UNC13B: variants seen among roughly 807,000 people sequenced by gnomAD.
The protein encoded by UNC13B is protein unc-13 homolog B.
In UNC13B, 144 loss-of-function variants were observed where a neutral mutation model predicts 211.0. That is an observed-to-expected ratio of 0.68 (90% confidence interval 0.60 to 0.78). UNC13B has a LOEUF of 0.78. Ranked by LOEUF, UNC13B falls within the 30% of genes least tolerant of loss-of-function variation. UNC13B has a pLI of 0.00. For missense variants in UNC13B, 1,777 were observed against 2,002.0 expected (o/e 0.89, Z 2.14); for synonymous variants, 709 against 725.8 (o/e 0.98, Z 0.37).
intron 24 of UNC13B, 116 bp downstream of exon 24, chr9:35,386,409 T>C: frequency 2.1e-6 from 3 of 1,403,712 alleles, no homozygotes; most frequent in Non-Finnish European, 2.9e-6. Flanking sequence ...TTCTCAAGGG[T>C]GAGTGAGTTG....
chr9:35,396,294 C>T (rs1282409255), intron 26 of UNC13B, among the ~76,000 whole-genome samples, 182 bp from the exon 27 acceptor site: 2 of 152,176 alleles, frequency 1.3e-5, no homozygotes, highest in African/African-American at 4.8e-5. Context: ...TTGGGCCAAG[C>T]TTGTGGAGAG....
At chr9:35,196,768 A>G (rs1218218023) in intron 1 of UNC13B, among the ~76,000 whole-genome samples, 1 of 151,980 alleles carries the variant, frequency 6.6e-6, no homozygotes, top group Non-Finnish European at 1.5e-5. Context: ...AAATCTATTT[A>G]TTTATTTATT....
At chr9:35,253,586 T>G (rs1826644357) in intron 6 of UNC13B, among the ~76,000 whole-genome samples, 1 of 151,894 alleles carries the variant, frequency 6.6e-6, no homozygotes. Flanking sequence ...CAATATAGAG[T>G]CTAACTTTTT....
intron 3 of UNC13B, among the ~76,000 whole-genome samples, chr9:35,235,156 C>T (rs1825423494): frequency 2.0e-5 from 3 of 152,266 alleles, no homozygotes; most frequent in Middle Eastern, 6.8e-3. Flanking sequence ...TATGATACTG[C>T]TTTTAAATAG....
intron 1 of UNC13B, among the ~76,000 whole-genome samples, chr9:35,164,610 C>CT (rs1820938122): frequency 6.6e-6 from 1 of 152,242 alleles, no homozygotes; most frequent in Admixed American, 6.5e-5. Flanking sequence ...TCTCAATACT[C>CT]TGACTCCAGA....
At chr9:35,344,787 A>G (rs928651261) in intron 11 of UNC13B, among the ~76,000 whole-genome samples, 1 of 152,218 alleles carries the variant, frequency 6.6e-6, no homozygotes, top group Non-Finnish European at 1.5e-5. Flanking sequence ...TCCATAACCT[A>G]GATCACAATG....
chr9:35,325,586 A>T, intron 11 of UNC13B, among the ~76,000 whole-genome samples: 2 of 152,336 alleles, frequency 1.3e-5, no homozygotes, highest in Middle Eastern at 6.8e-3. Context: ...TTAAATTCAG[A>T]TATAATTAAT....
chr9:35,284,405 A>G (rs1256304896), intron 7 of UNC13B, among the ~76,000 whole-genome samples: 1 of 152,232 alleles, frequency 6.6e-6, no homozygotes, highest in Non-Finnish European at 1.5e-5. Flanking sequence ...ATAGTACTTA[A>G]CCAATTCATG....
intron 1 of UNC13B, among the ~76,000 whole-genome samples, chr9:35,190,527 G>C (rs1290107415): frequency 6.6e-6 from 1 of 152,082 alleles, no homozygotes; most frequent in African/African-American, 2.4e-5. Flanking sequence ...GGGGTTTCAT[G>C]AGGAAAACAG....
intron 33 of UNC13B, 58 bp from the exon 34 acceptor site, chr9:35,399,103 T>C: frequency 6.2e-7 from 1 of 1,614,086 alleles, no homozygotes; most frequent in Non-Finnish European, 8.5e-7. Context: ...AGGGAGCCCC[T>C]TGGGGAGAGG....
At position 35,366,992 on chromosome 9, in the gene UNC13B, G is replaced by A; in HGVS notation, c.9460G>A (p.Gly3154Arg). 6.2e-7 allele frequency: 1 copy of A among 1,613,544 alleles called. No individual in the cohort carries two copies. Among genetic ancestry groups the A allele is most frequent in the Non-Finnish European group, 8.5e-7 (1 of 1,179,470 alleles). ...CTCTCTGCCTCAGTGGCTCCCGGAA[G>A]GGTAAGTAATTCACTGCAAGGTTTC... ...DPSLPQWLPE[G>R]PAGGLYGIDS... is the part of the protein sequence containing the mutation. Residue 3154 changes from glycine (G) to arginine (R), a missense_variant and splice_region_variant, in exon 12 of 40, where the codon GGG becomes AGG. Transcript: ENST00000635942.
rs996948216 is a variant in UNC13B, at chr9:35,404,840, G to A, written c.*807G>A. 4 of 152,606 alleles carry A rather than the reference G, an allele frequency of 2.6e-5. No individual in the cohort carries two copies. The highest frequency in any genetic ancestry group is 6.5e-5 in the Admixed American group (1 of 15,268). The allele number at this position is 152,606 out of a possible 1,614,324, so 9.5% of individuals were successfully genotyped here. A position where few individuals can be genotyped will look rare whatever the true frequency, so the allele number is the denominator to read the frequency against. On this transcript the variant is annotated 3_prime_UTR_variant, in exon 40 of 40. Transcript: ENST00000635942. The stretch of plus-strand genomic sequence containing the variant: ...ACCTGAGGGCTAGTTGAAGGATCCA[G>A]GAGTATTTTCTTCTTGGGTGGGCCC...
At chr9:35,230,276 G>T (rs1245213794) in intron 2 of UNC13B, among the ~76,000 whole-genome samples, 1 of 151,758 alleles carries the variant, frequency 6.6e-6, no homozygotes, top group African/African-American at 2.4e-5. Context: ...ATTTGAGACC[G>T]CCTGGCCAAC....
chr9:35,383,358 A>G (rs573959363), intron 21 of UNC13B, among the ~76,000 whole-genome samples: 2 of 152,340 alleles, frequency 1.3e-5, no homozygotes, highest in African/African-American at 4.8e-5. Context: ...AGATAAAATA[A>G]TTCTGACCCA....
chr9:35,345,604 C>T (rs1832305586), intron 11 of UNC13B, among the ~76,000 whole-genome samples: 1 of 152,136 alleles, frequency 6.6e-6, no homozygotes, highest in South Asian at 2.1e-4. Flanking sequence ...ATGTCAAGGG[C>T]CTACTCAGAA....
At chr9:35,297,547 CTTTT>C (rs774525517) in intron 8 of UNC13B, among the ~76,000 whole-genome samples, 8 of 100,876 alleles carry the variant, frequency 7.9e-5, no homozygotes, top group South Asian at 3.1e-4. Flanking sequence ...CATACTTTGT[CTTTT>C]TTTTTTTTTT....
Position 35,399,265 on chromosome 9 carries a change from C to A in UNC13B, c.12179C>A (p.Pro4060His). Residue 4060 changes from proline (P) to histidine (H), a missense_variant, in exon 34 of 40, where the codon CCC (proline) becomes CAC (histidine). By Grantham distance (77) the Pro-to-His change is moderately conservative. Transcript: ENST00000635942. Reference sequence around the variant, plus strand: ...ACAATGGAGAGGATGATTGTTCTGCCCCCACTCACTGACCAGACGGTAAGG... The same window carrying A: ...ACAATGGAGAGGATGATTGTTCTGCACCCACTCACTGACCAGACGGTAAGG... The part of the protein sequence containing the change: ...MNTMERMIVL[P>H]PLTDQTGTQL... The A allele has an allele frequency of 1.2e-6, 2 of 1,614,112 alleles. No homozygotes were observed. The highest frequency in any genetic ancestry group is 2.2e-5 in the South Asian group (2 of 91,082).
intron 1 of UNC13B, among the ~76,000 whole-genome samples, chr9:35,203,367 C>T (rs1823436780): frequency 6.6e-6 from 1 of 152,158 alleles, no homozygotes; most frequent in Non-Finnish European, 1.5e-5. Flanking sequence ...GACAAAATCT[C>T]TCAGCATTTG....
intron 7 of UNC13B, among the ~76,000 whole-genome samples, chr9:35,273,379 A>G (rs1276927117): frequency 6.6e-6 from 1 of 152,176 alleles, no homozygotes; most frequent in Non-Finnish European, 1.5e-5. Flanking sequence ...TCCTGGTCCT[A>G]GTGTCCATTG....
Sources: allele counts gnomAD v4.1 joint callset (sites outside exome capture counted in the v4.1 genomes callset), GRCh38; gene constraint gnomAD v4.1.1; transcripts MANE v1.5; gene names NCBI Gene and HGNC (gene_info 2026-07-23, HGNC 2026-07-21).